The following RALYL variants were observed in gnomAD, a reference collection of about 807,000 sequenced individuals.
RALYL encodes the protein RNA-binding Raly-like protein.
Under a neutral mutation model 35.1 loss-of-function variants are expected in RALYL, and 29 were observed. That is an observed-to-expected ratio of 0.83 (90% CI 0.61 to 1.13). The LOEUF (loss-of-function observed/expected upper bound fraction) is 1.13. Among genes scored for constraint, RALYL ranks in the 50% most tolerant of loss-of-function variants. The pLI is 0.00. For missense variants in RALYL, 359 were observed against 360.4 expected (o/e 1.00, Z 0.03); for synonymous variants, 120 against 127.6 (o/e 0.94, Z 0.40).
At chr8:84,319,082 A>G (rs1436764400) in intron 1 of RALYL, among the ~76,000 whole-genome samples, 1 of 152,156 alleles carries the variant, frequency 6.6e-6, no homozygotes, top group East Asian at 1.9e-4. Context: ...TAAATTTGAA[A>G]TATACATATG....
At chr8:84,576,506 A>T (rs1809470413) in intron 2 of RALYL, among the ~76,000 whole-genome samples, 1 of 152,218 alleles carries the variant, frequency 6.6e-6, no homozygotes, top group South Asian at 2.1e-4. Context: ...GAATGCCTTA[A>T]GGTAATACAT....
At chr8:84,422,056 G>A (rs1333659767) in intron 1 of RALYL, among the ~76,000 whole-genome samples, 1 of 151,958 alleles carries the variant, frequency 6.6e-6, no homozygotes, top group Non-Finnish European at 1.5e-5. Flanking sequence ...GATGATGCTG[G>A]CCTCATAAAA....
At chr8:84,232,101 T>A (rs147895060) in intron 1 of RALYL, among the ~76,000 whole-genome samples, 283 of 152,208 alleles carry the variant, frequency 1.9e-3, no homozygotes, top group African/African-American at 6.3e-3. Context: ...AAATTTCGGA[T>A]GAATGGGATA....
intron 1 of RALYL, among the ~76,000 whole-genome samples, chr8:84,235,622 A>C (rs951118713): frequency 6.6e-6 from 1 of 152,226 alleles, no homozygotes; most frequent in East Asian, 1.9e-4. Context: ...AGTTTACCTT[A>C]GCAGAGATGC....
intron 1 of RALYL, among the ~76,000 whole-genome samples, chr8:84,462,248 G>A (rs1165069346): frequency 1.3e-5 from 2 of 151,310 alleles, no homozygotes; most frequent in Admixed American, 6.6e-5. Context: ...CTTCTTTGAT[G>A]AGATGTTCTT....
rs113051546 is a variant in RALYL at position 84,278,975 on chromosome 8, G to C, written c.-24+94551G>C. On this transcript the variant is annotated intron_variant, in intron 1 of 8. Transcript: ENST00000521268. ...ACCTCACTCCTGGTACCAATTTACTGTATTAGTCTGTCCTCAGGCTGTTAA... is the reference window on the plus strand; with the variant it reads ...ACCTCACTCCTGGTACCAATTTACTCTATTAGTCTGTCCTCAGGCTGTTAA... Among the ~76,000 whole-genome samples the C allele has an allele frequency of 3.1e-3, 475 of 152,248 alleles. 5 individuals are homozygous for C. The highest frequency in any genetic ancestry group is 0.011 in the African/African-American group (460 of 41,558).
intron 2 of RALYL, among the ~76,000 whole-genome samples, chr8:84,614,522 A>G (rs1298326173): frequency 6.6e-5 from 10 of 151,708 alleles, no homozygotes; most frequent in Non-Finnish European, 1.3e-4. Context: ...CCTCAGTAAT[A>G]GGCTGTTTAA....
At chr8:84,230,853 C>T (rs572895840) in intron 1 of RALYL, among the ~76,000 whole-genome samples, 20 of 152,316 alleles carry the variant, frequency 1.3e-4, no homozygotes, top group Non-Finnish European at 2.5e-4. Context: ...TGATTCAAGT[C>T]AAGCAATCAT....
intron 1 of RALYL, among the ~76,000 whole-genome samples, chr8:84,338,538 G>A (rs532586325): frequency 6.6e-6 from 1 of 151,594 alleles, no homozygotes; most frequent in African/African-American, 2.4e-5. Flanking sequence ...TCTTTGGGGA[G>A]GGAACATTAT....
chr8:84,687,726 A>G (rs1451764593), intron 2 of RALYL, among the ~76,000 whole-genome samples: 2 of 152,202 alleles, frequency 1.3e-5, no homozygotes, highest in South Asian at 4.1e-4. Context: ...TTTTCTAGAA[A>G]CTTCTTTTAT....
chr8:84,387,464 A>G (rs756749268), intron 1 of RALYL, among the ~76,000 whole-genome samples: 159 of 152,018 alleles, frequency 1.0e-3, no homozygotes, highest in Middle Eastern at 3.4e-3. Context: ...GCTGTACTTA[A>G]TTCAGGTAAA....
chr8:84,680,000 A>T (rs1021416681), intron 2 of RALYL, among the ~76,000 whole-genome samples: 5 of 145,746 alleles, frequency 3.4e-5, no homozygotes, highest in East Asian at 2.0e-4. Context: ...ATCCCTCCCC[A>T]CTCCCCCCAC....
intron 6 of RALYL, among the ~76,000 whole-genome samples, chr8:84,866,418 G>T (rs1446486082): frequency 6.6e-6 from 1 of 152,078 alleles, no homozygotes; most frequent in African/African-American, 2.4e-5. Context: ...TATATAAAAT[G>T]CTTAGGCACA....
intron 1 of RALYL, among the ~76,000 whole-genome samples, chr8:84,302,867 G>T (rs1025481235): frequency 2.0e-5 from 3 of 152,104 alleles, no homozygotes; most frequent in Admixed American, 6.6e-5. Context: ...TTCTGCTCTG[G>T]CAGAGTAAAA....
chr8:84,522,249 ATTTTT>A (rs34104122), intron 1 of RALYL, among the ~76,000 whole-genome samples: 1 of 133,886 alleles, frequency 7.5e-6, no homozygotes, highest in African/African-American at 2.8e-5. Context: ...TAGAAAGGAA[ATTTTT>A]TTTTTTTTTT....
chr8:84,473,429 A>G (rs891472311), intron 1 of RALYL, among the ~76,000 whole-genome samples: 1 of 151,840 alleles, frequency 6.6e-6, no homozygotes, highest in African/African-American at 2.4e-5. Flanking sequence ...CTAAACAAAA[A>G]AATTGAAAGT....
chr8:84,687,727 CTTCTT>C (rs1837118123), intron 2 of RALYL, among the ~76,000 whole-genome samples: 4 of 152,100 alleles, frequency 2.6e-5, no homozygotes, highest in South Asian at 4.1e-4. Context: ...TTTCTAGAAA[CTTCTT>C]TTATTTTCTG....
At chr8:84,902,780 A>G (rs2135575088) in intron 8 of RALYL, among the ~76,000 whole-genome samples, 1 of 152,260 alleles carries the variant, frequency 6.6e-6, no homozygotes, top group East Asian at 1.9e-4. Context: ...CTGTTAAAGG[A>G]AGTTTTTTTG....
intron 2 of RALYL, among the ~76,000 whole-genome samples, chr8:84,573,980 C>A (rs1451435612): frequency 6.6e-6 from 1 of 151,786 alleles, no homozygotes; most frequent in Non-Finnish European, 1.5e-5. Flanking sequence ...TTTCTACTAA[C>A]CTTTCTATTT....
Sources: gnomAD v4.1 joint callset for allele counts (sites outside exome capture counted in the v4.1 genomes callset) on GRCh38, gnomAD v4.1.1 for gene constraint, MANE v1.5 for transcripts, NCBI Gene and HGNC (gene_info 2026-07-23, HGNC 2026-07-21) for gene names.